The following ZNF552 variants were observed in gnomAD, a reference collection of about 807,000 sequenced individuals.
ZNF552 encodes the protein zinc finger protein 552.
ZNF552 carries 2 observed loss-of-function variants against 7.2 expected under a neutral mutation model. The observed-to-expected ratio is 0.28, with a 90% CI of 0.11 to 0.88. The LOEUF is 0.88. ZNF552 is among the 40% of genes least tolerant of loss of function. The pLI is 0.60. For missense variants in ZNF552, 421 were observed against 493.4 expected, an observed-to-expected ratio of 0.85 and a Z score of 1.39; for synonymous variants, 173 against 176.5, an observed-to-expected ratio of 0.98 and a Z score of 0.16.
chr19:57,808,557 G>T lies in ZNF552; in HGVS notation c.707C>A (p.Thr236Lys). 1 of 1,614,120 alleles carries T rather than the reference G, an allele frequency of 6.2e-7. No individual in the cohort carries two copies. Among genetic ancestry groups the T allele is most frequent in the Non-Finnish European group, 8.5e-7 (1 of 1,180,000 alleles). ...TTCACACCACACAGAAGGTTCTTCT[G>T]TAGGGAGCAGTCTCTCGTGCTGACT... ...ILSQHERLLP[T>K]EEPSVWCECG... Residue 236 changes from threonine (T) to lysine (K), a missense_variant, in exon 3 of 3, where the codon ACA (threonine) becomes AAA (lysine). Coordinates refer to ENST00000391701, the MANE Select transcript of ZNF552 (RefSeq NM_024762.3).
intron 1 of ZNF552, 93 bp from the exon 2 acceptor site, chr19:57,813,513 C>T (rs2122150195): frequency 1.4e-6 from 2 of 1,452,086 alleles, no homozygotes; most frequent in African/African-American, 1.4e-5. Context: ...GCACATCCTC[C>T]TCTCAAGGTC....
chr19:57,814,440 C>T, intron 1 of ZNF552: 1 of 1,388,970 alleles, frequency 7.2e-7, no homozygotes, highest in African/African-American at 1.4e-5. Flanking sequence ...AGTTCCGCCT[C>T]ACAGGTTGTT....
chr19:57,808,445 A>G lies in ZNF552; in HGVS notation c.819T>C (p.Cys273=), dbSNP rs1397454909. The change falls in exon 3 of 3, where the codon TGT becomes TGC. Residue 273 remains cysteine (C), a synonymous_variant. Coordinates refer to ENST00000391701, the MANE Select transcript of ZNF552 (RefSeq NM_024762.3). ...TREKPYTCGI[C]GKLFNSKSHL... ...GGGACTTACTGTTAAATAATTTCCCACATATCCCACACGTATAAGGTTTTT... is the reference window on the plus strand; with the variant it reads ...GGGACTTACTGTTAAATAATTTCCCGCATATCCCACACGTATAAGGTTTTT... 4 of 1,613,772 alleles carry G rather than the reference A, an allele frequency of 2.5e-6. No individual in the cohort carries two copies. The African/African-American group carries it at 5.3e-5, about 22-fold the overall frequency.
Position 57,808,205 on chromosome 19 carries a change from C to A in ZNF552, c.1059G>T (p.Glu353Asp), listed in dbSNP as rs769883657. 2.0e-5 allele frequency: 32 copies of A among 1,614,076 alleles called. No homozygotes were observed. Among genetic ancestry groups the A allele is most frequent in the African/African-American group, 2.7e-5 (2 of 74,928 alleles). ...CAAAAGATTTCCCACATTCACTGCACTCATAAGGCTTCTGACCAGTGTGAA... is the reference window on the plus strand; with the variant it reads ...CAAAAGATTTCCCACATTCACTGCAATCATAAGGCTTCTGACCAGTGTGAA... Reference protein sequence around the residue: ...KRVHTGQKPYECSECGKSFAE... With the variant: ...KRVHTGQKPYDCSECGKSFAE... The change falls in exon 3 of 3, where the codon GAG becomes GAT. Residue 353 changes from glutamate to aspartate, a missense_variant. Physicochemically the swap from Glu to Asp is conservative, Grantham distance 45 (BLOSUM62 2). Coordinates refer to ENST00000391701, the MANE Select transcript of ZNF552 (RefSeq NM_024762.3).
chr19:57,808,305 C>G lies in ZNF552; in HGVS notation c.959G>C (p.Gly320Ala). Residue 320 changes from glycine (G) to alanine (A), a missense_variant, in exon 3 of 3, where the codon GGA becomes GCA. By Grantham distance (60) the Gly-to-Ala change is moderately conservative. Transcript: ENST00000391701. The part of the protein sequence containing the change: ...HLIAHQRVHT[G>A]ERPYECSDCG... ...ATCACTGCATTCATATGGCCTTTCT[C>G]CAGTGTGAACTCTCTGGTGTGCAAT... 1 of 1,614,110 alleles carries G rather than the reference C, an allele frequency of 6.2e-7. No individual in the cohort carries two copies. Among genetic ancestry groups the G allele is most frequent in the Non-Finnish European group, 8.5e-7 (1 of 1,180,000 alleles).
chr19:57,810,124 AAGAG>A (rs1395201280), intron 2 of ZNF552, among the ~76,000 whole-genome samples: 16 of 150,640 alleles, frequency 1.1e-4, no homozygotes, highest in African/African-American at 1.7e-4. Context: ...AAGAAAAGAG[AAGAG>A]GAGAGGAGAG....
At chr19:57,810,197 T>C (rs58538801) in intron 2 of ZNF552, among the ~76,000 whole-genome samples, 34,201 of 151,430 alleles carry the variant, frequency 0.23, 4,475 homozygotes, top group African/African-American at 0.36. Context: ...GGGCCAGGTG[T>C]CGTGGGTCAT....
chr19:57,808,931 T>C lies in ZNF552; in HGVS notation c.333A>G (p.Gly111=), dbSNP rs1017959619. The change falls in exon 3 of 3, where the codon GGA becomes GGG. Residue 111 remains glycine, a synonymous_variant. Coordinates refer to ENST00000391701, the MANE Select transcript of ZNF552 (RefSeq NM_024762.3). The stretch of plus-strand genomic sequence containing the variant: ...TGTGCAGTTTCTGCTTGTGATGTGT[T>C]CCCTGATGATCTGCCACATGCAAAA... ...GDILHVADHQ[G]THHKQKLHRC... The C allele has an allele frequency of 1.9e-6, 3 of 1,607,208 alleles. No homozygotes were observed. The African/African-American group carries it at 4.0e-5, about 22-fold the overall frequency.
At position 57,808,599 on chromosome 19, in the gene ZNF552, C is replaced by G; in HGVS notation, c.665G>C (p.Ser222Thr). The G allele has an allele frequency of 6.2e-7, 1 of 1,614,148 alleles. No individual in the cohort carries two copies. The highest frequency in any genetic ancestry group is 1.7e-5 in the Admixed American group (1 of 60,014). Reference sequence around the variant, plus strand: ...GTGCTGACTGAGTATATCTTTGGTGCTAAAATGTTTCATGCATCCTCCACA... The same window carrying G: ...GTGCTGACTGAGTATATCTTTGGTGGTAAAATGTTTCATGCATCCTCCACA... ...YSCGGCMKHF[S>T]TKDILSQHER... is the part of the protein sequence containing the mutation. The change falls in exon 3 of 3, where the codon AGC (serine) becomes ACC (threonine). Residue 222 changes from serine (S) to threonine (T), a missense_variant. Physicochemically the swap from Ser to Thr is moderately conservative, Grantham distance 58. Transcript: ENST00000391701.
chr19:57,809,397 T>C (rs928212284), intron 2 of ZNF552: 7 of 615,016 alleles, frequency 1.1e-5, no homozygotes, highest in South Asian at 7.4e-5. Flanking sequence ...TATGTCCTCA[T>C]GACATGCGAG....
Position 57,808,034 on chromosome 19 carries a change from C to T in ZNF552, c.*6G>A, listed in dbSNP as rs767026723. ...CCAATATTTAATGAGACTGGACTCA[C>T]TGCACTCATAAGCCCTTTCTTTTGT... is the stretch of plus-strand genomic sequence containing the variant. On this transcript the variant is annotated 3_prime_UTR_variant, in exon 3 of 3. Coordinates refer to ENST00000391701, the MANE Select transcript of ZNF552 (RefSeq NM_024762.3). The T allele has an allele frequency of 3.8e-5, 60 of 1,599,272 alleles. No homozygotes were observed. The South Asian group carries it at 6.4e-4, about 17-fold the overall frequency.
rs1007801865 is a variant in ZNF552, at chr19:57,813,199, T to G, written c.160+95A>C. The G allele has an allele frequency of 3.2e-6, 5 of 1,567,928 alleles. No homozygotes were observed. In the Admixed American group the frequency reaches 5.5e-5, roughly 17 times the overall value. ...CCAAGAACTGAAGTAGGAAGCTGTG[T>G]CCATGCTCCTGACATGAGAAAGTCT... On this transcript the variant is annotated intron_variant, in intron 2 of 2. Coordinates refer to ENST00000391701, the MANE Select transcript of ZNF552 (RefSeq NM_024762.3).
At position 57,814,774 on chromosome 19, in the gene ZNF552, C is replaced by T. The variant is rs1249058079; in HGVS notation, c.-31G>A. On this transcript the variant is annotated 5_prime_UTR_variant, in exon 1 of 3. Coordinates refer to ENST00000391701, the MANE Select transcript of ZNF552 (RefSeq NM_024762.3). ...CACGTGGGGTAAGCTGGGTTGAGAG[C>T]AGCGGGCGCCGTTAAAGAGCTGCAG... is the stretch of plus-strand genomic sequence containing the variant. 5.0e-6 allele frequency: 8 copies of T among 1,609,830 alleles called. No homozygotes were observed. Among genetic ancestry groups the T allele is most frequent in the African/African-American group, 1.3e-5 (1 of 74,686 alleles).
chr19:57,812,769 A>G (rs2122148405), intron 2 of ZNF552, among the ~76,000 whole-genome samples: 1 of 152,258 alleles, frequency 6.6e-6, no homozygotes, highest in South Asian at 2.1e-4. Flanking sequence ...GGGTTTCACC[A>G]TGTCGGCCAG....
Position 57,809,054 on chromosome 19 carries a change from A to C in ZNF552, c.210T>G (p.Ile70Met). The C allele has an allele frequency of 5.2e-6, 8 of 1,540,412 alleles. No individual in the cohort carries two copies. Among genetic ancestry groups the C allele is most frequent in the Non-Finnish European group, 7.0e-6 (8 of 1,143,916 alleles). ...TGACCTGAGTCTCTCTTTGTATATAAATACTCTGCTTAGAAGGTGCCGCCT... is the reference window on the plus strand; with the variant it reads ...TGACCTGAGTCTCTCTTTGTATATACATACTCTGCTTAGAAGGTGCCGCCT... ...EDEAAPSKQS[I>M]YIQRETQVRT... Residue 70 changes from isoleucine (I) to methionine (M), a missense_variant, in exon 3 of 3, where the codon ATT (isoleucine) becomes ATG (methionine). Coordinates refer to ENST00000391701, the MANE Select transcript of ZNF552 (RefSeq NM_024762.3).
intron 1 of ZNF552, chr19:57,814,295 C>T: frequency 1.7e-6 from 1 of 600,192 alleles, no homozygotes. Context: ...CCTCTCTACT[C>T]TGTTATTTAT....
intron 2 of ZNF552, 84 bp downstream of exon 2, chr19:57,813,210 G>A (rs1987889969): frequency 6.3e-7 from 1 of 1,587,112 alleles, no homozygotes; most frequent in East Asian, 2.2e-5. Context: ...CCATGCTCCT[G>A]ACATGAGAAA....
chr19:57,813,460 A>G, intron 1 of ZNF552, 40 bp from the exon 2 acceptor site: 1 of 1,598,446 alleles, frequency 6.3e-7, no homozygotes, highest in Non-Finnish European at 8.6e-7. Flanking sequence ...AACCACCCCT[A>G]TGCTGAGGTA....
chr19:57,814,722 A>ACCTTAGCTCC lies in ZNF552; in HGVS notation c.21_22insGGAGCTAAGG (p.Phe8GlyfsTer13), dbSNP rs1987928000. ...GGCGCCACAATTACCTGAACGGGGA[A>ACCTTAGCTCC]CCTTAGCGCGGCCGCCGCCATGGGA... On this transcript the variant is annotated frameshift_variant, in exon 1 of 3. Coordinates refer to ENST00000391701, the MANE Select transcript of ZNF552 (RefSeq NM_024762.3). LOFTEE classifies it high-confidence loss of function. 6.2e-7 allele frequency: 1 copy of ACCTTAGCTCC among 1,613,722 alleles called. No individual in the cohort carries two copies. The highest frequency in any genetic ancestry group is 8.5e-7 in the Non-Finnish European group (1 of 1,179,980).
Sources: gnomAD v4.1 joint callset for allele counts (sites outside exome capture counted in the v4.1 genomes callset) on GRCh38, gnomAD v4.1.1 for gene constraint, MANE v1.5 for transcripts, NCBI Gene and HGNC (gene_info 2026-07-23, HGNC 2026-07-21) for gene names.